The following MCF2L2 variants were observed in gnomAD, a reference collection of about 807,000 sequenced individuals.
MCF2L2 encodes the protein MCF.2 cell line derived transforming sequence-like 2.
A neutral mutation model predicts 150.2 loss-of-function variants in MCF2L2; 102 were observed. The ratio of observed to expected loss-of-function variants is 0.68; its 90% CI spans 0.58 to 0.80. The LOEUF (loss-of-function observed/expected upper bound fraction) is 0.80, where lower values mean the gene tolerates loss of function less well. Among genes scored for constraint, MCF2L2 ranks in the 30% least tolerant of loss-of-function variants. The pLI, the probability that MCF2L2 is intolerant of heterozygous loss-of-function variation, is 0.00. For missense variants in MCF2L2, 1,256 were observed against 1,372.8 expected (o/e 0.91, Z 1.34); for synonymous variants, 465 against 491.3 (o/e 0.95, Z 0.71).
At chr3:183,390,825 A>C (rs1330497058) in intron 1 of MCF2L2, among the ~76,000 whole-genome samples, 1 of 152,218 alleles carries the variant, frequency 6.6e-6, no homozygotes, top group African/African-American at 2.4e-5. Context: ...TGAGTCTAGG[A>C]GTTTGAGGCT....
intron 2 of MCF2L2, among the ~76,000 whole-genome samples, chr3:183,384,615 T>C (rs1713725703): frequency 6.6e-6 from 1 of 152,092 alleles, no homozygotes; most frequent in Non-Finnish European, 1.5e-5. Flanking sequence ...TCAGCACTCC[T>C]GGCTCACTGG....
chr3:183,305,919 T>A lies in MCF2L2; in HGVS notation c.1113+3797A>T, dbSNP rs990618378. Among the ~76,000 whole-genome samples, 1 of 152,102 alleles carries A rather than the reference T, an allele frequency of 6.6e-6. No homozygotes were observed. The highest frequency in any genetic ancestry group is 1.5e-5 in the Non-Finnish European group (1 of 68,010). ...TGGCTGGAAGGTCACTATTACAGAA[T>A]TGAAAGGACAACAATAGTTTCTGAC... On this transcript the variant is annotated intron_variant, in intron 10 of 29. Transcript: ENST00000328913. This position sits in a 1 kb window ranked among gnomAD's most constrained non-coding sequence, Gnocchi z 4.1.
In MCF2L2 at chr3:183,263,862, A is replaced by G. The variant is rs145449277; in HGVS notation, c.1862+13010T>C. ...CTTTACTCGCCATCCCAGGTCATTC[A>G]TCAGGTCCTGCTAGGTCTTTGATTT... On this transcript the variant is annotated intron_variant, in intron 15 of 29. Coordinates refer to ENST00000328913, the MANE Select transcript of MCF2L2 (RefSeq NM_015078.4). 5.0e-3 allele frequency among the ~76,000 whole-genome samples: 762 copies of G among 152,176 alleles called. 5 individuals are homozygous for G. Among genetic ancestry groups the G allele is most frequent in the Non-Finnish European group, 8.7e-3 (593 of 68,010 alleles).
rs770954058 is a variant in MCF2L2 at position 183,289,215 on chromosome 3, G to C, written c.1681C>G (p.Leu561Val). 6.2e-7 allele frequency: 1 copy of C among 1,605,264 alleles called. No homozygotes were observed. The highest frequency in any genetic ancestry group is 1.1e-5 in the South Asian group (1 of 90,686). The change falls in exon 14 of 30, where the codon CTA becomes GTA. Residue 561 changes from leucine (L) to valine (V), a missense_variant. Leu to Val is a conservative substitution (Grantham distance 32). Transcript: ENST00000328913. ...KTSQPSTSVP[L>V]ARPLRTSEEP... is the part of the protein sequence containing the mutation. ...TCAGACGTTCTCAGAGGACGAGCTA[G>C]AGGGACTAAGAGAACCTGCCATTAG...
intron 20 of MCF2L2, among the ~76,000 whole-genome samples, chr3:183,220,790 A>T (rs1025417538): frequency 4.6e-5 from 7 of 152,092 alleles, no homozygotes; most frequent in East Asian, 1.9e-4. Flanking sequence ...GAACTTTTTT[A>T]AAAAAACGTT....
chr3:183,321,327 A>G (rs1440531312), intron 6 of MCF2L2, among the ~76,000 whole-genome samples: 21 of 151,984 alleles, frequency 1.4e-4, no homozygotes, highest in African/African-American at 5.1e-4. Flanking sequence ...AATCCCAGTT[A>G]CTTGGGAGGC....
chr3:183,415,793 A>G (rs550999882), intron 1 of MCF2L2, among the ~76,000 whole-genome samples: 1 of 152,244 alleles, frequency 6.6e-6, no homozygotes, highest in South Asian at 2.1e-4. Flanking sequence ...TGTCTCCAGG[A>G]GACACTATAT....
intron 2 of MCF2L2, among the ~76,000 whole-genome samples, chr3:183,380,559 AC>A (rs1713463580): frequency 6.6e-6 from 1 of 151,764 alleles, no homozygotes; most frequent in Admixed American, 6.6e-5. Flanking sequence ...GCACCACCAT[AC>A]CCAGCTAATT....
rs200321249 is a variant in MCF2L2, at chr3:183,341,547, C to T, written c.359G>A (p.Arg120Gln). ...KWSSVKASLT[R>Q]IAVAFPGNLQ... The stretch of plus-strand genomic sequence containing the variant: ...ACAAAAATAAATATTTACAGCTATT[C>T]GTGTCAAGGATGCCTTTACGGAGCT... Residue 120 changes from arginine (R) to glutamine (Q), a missense_variant, in exon 4 of 30, where the codon CGA becomes CAA. Transcript: ENST00000328913. 4.4e-6 allele frequency: 7 copies of T among 1,608,826 alleles called. No homozygotes were observed. The highest frequency in any genetic ancestry group is 4.0e-5 in the African/African-American group (3 of 74,936).
chr3:183,271,202 G>A (rs1318464680), intron 15 of MCF2L2: 1 of 300,742 alleles, frequency 3.3e-6, no homozygotes, highest in Non-Finnish European at 6.5e-6. Context: ...AAGTTCTCAT[G>A]TAATGCCACA....
At chr3:183,187,529 C>T (rs1397639843) in intron 27 of MCF2L2, among the ~76,000 whole-genome samples, 1 of 152,080 alleles carries the variant, frequency 6.6e-6, no homozygotes, top group Non-Finnish European at 1.5e-5. Context: ...AGTGCAGTGG[C>T]ATCATCTCAG....
At chr3:183,417,066 C>T (rs1715628856) in intron 1 of MCF2L2, among the ~76,000 whole-genome samples, 2 of 129,588 alleles carry the variant, frequency 1.5e-5, no homozygotes, top group Non-Finnish European at 3.1e-5. Context: ...GAGCCAAGAT[C>T]GTGCCACACC....
At chr3:183,393,192 C>CTTTTT (rs11390628) in intron 1 of MCF2L2, among the ~76,000 whole-genome samples, 3 of 132,044 alleles carry the variant, frequency 2.3e-5, no homozygotes, top group East Asian at 2.2e-4. Flanking sequence ...AAACTTGTCT[C>CTTTTT]TTTTTTTTTT....
chr3:183,372,547 C>G (rs1560045334), intron 3 of MCF2L2: 1 of 152,090 alleles, frequency 6.6e-6, no homozygotes, highest in Non-Finnish European at 1.5e-5. Flanking sequence ...CAAAAATTAA[C>G]CGGGCATGGT....
At chr3:183,274,761 T>C (rs1279672592) in intron 15 of MCF2L2, among the ~76,000 whole-genome samples, 3 of 152,204 alleles carry the variant, frequency 2.0e-5, no homozygotes, top group Admixed American at 6.5e-5. Flanking sequence ...ATGAGAGGAA[T>C]ATTCGATGTC....
chr3:183,298,903 G>C (rs1015582759), intron 11 of MCF2L2: 2 of 152,320 alleles, frequency 1.3e-5, no homozygotes, highest in Middle Eastern at 3.4e-3. Context: ...GGAGCTACTT[G>C]CTTCTGAAAC....
In MCF2L2 at chr3:183,269,621, G is replaced by A. The variant is rs139176580; in HGVS notation, c.1862+7251C>T. The A allele has an allele frequency of 1.1e-4, 61 of 580,934 alleles. 1 individual carries two copies. The Admixed American group carries it at 1.3e-3, about 12-fold the overall frequency. The allele number at this position is 580,934 out of a possible 1,614,324, so 36.0% of individuals were successfully genotyped here. ...GTTCTACAGGGTGTTCCATTCTTCCGCAATCTCAGAAAAATGGGACTAAAA... is the reference window on the plus strand; with the variant it reads ...GTTCTACAGGGTGTTCCATTCTTCCACAATCTCAGAAAAATGGGACTAAAA... On this transcript the variant is annotated intron_variant, in intron 15 of 29. Transcript: ENST00000328913.
Position 183,389,713 on chromosome 3 carries a change from T to C in MCF2L2, c.143A>G (p.Gln48Arg), listed in dbSNP as rs1714034072. ...CCCCTTACCTGAAAGAATGGCAAAT[T>C]GTCTGTGAAGTTGTTCTATTATCTC... ...AVEIIEQLHR[Q>R]FAILSGGRGE... Residue 48 changes from glutamine to arginine, a missense_variant, in exon 2 of 30, where the codon CAA becomes CGA. Coordinates refer to ENST00000328913, the MANE Select transcript of MCF2L2 (RefSeq NM_015078.4). 2 of 1,613,978 alleles carry C rather than the reference T, an allele frequency of 1.2e-6. No individual in the cohort carries two copies. The highest frequency in any genetic ancestry group is 1.7e-6 in the Non-Finnish European group (2 of 1,179,972).
At chr3:183,203,288 TTAAC>T (rs778951255) in intron 25 of MCF2L2, among the ~76,000 whole-genome samples, 54 of 152,144 alleles carry the variant, frequency 3.5e-4, no homozygotes, top group Non-Finnish European at 7.1e-4. Flanking sequence ...GACCAATACT[TTAAC>T]TATTTTTACA....
Sources: allele counts gnomAD v4.1 joint callset (sites outside exome capture counted in the v4.1 genomes callset), GRCh38; gene constraint gnomAD v4.1.1; non-coding constraint Gnocchi (gnomAD v3.1); transcripts MANE v1.5; gene names NCBI Gene and HGNC (gene_info 2026-07-23, HGNC 2026-07-21).